Variants in SMPX observed in about 807,000 individuals in gnomAD.
SMPX encodes the protein small muscle protein X-linked, also known as small muscular protein.
A neutral mutation model predicts 6.3 loss-of-function variants in SMPX; 2 were observed. The ratio of observed to expected loss-of-function variants is 0.32; its 90% CI spans 0.13 to 0.99. The LOEUF (loss-of-function observed/expected upper bound fraction) is 0.99, where lower values mean the gene tolerates loss of function less well. SMPX is among the 50% of genes least tolerant of loss of function. The pLI is 0.49. For synonymous variants in SMPX, 32 were observed against 24.7 expected (o/e 1.30, Z -0.88); for missense variants, 60 against 66.8 (o/e 0.90, Z 0.36).
chrX:21,710,110 C>T (rs910726979), intron 4 of SMPX, among the ~76,000 whole-genome samples: 6 of 111,720 alleles, frequency 5.4e-5, no homozygotes, highest in Non-Finnish European at 1.1e-4. Flanking sequence ...ATGTCCTTCA[C>T]GACTGGGTTC....
At chrX:21,715,092 G>A (rs2092782786) in intron 4 of SMPX, among the ~76,000 whole-genome samples, 1 of 111,259 alleles carries the variant, frequency 9.0e-6, no homozygotes, top group Non-Finnish European at 1.9e-5. Flanking sequence ...TATTTTAAAA[G>A]CTACTTATAT....
At chrX:21,712,161 A>T (rs1412429993) in intron 4 of SMPX, among the ~76,000 whole-genome samples, 1 of 112,590 alleles carries the variant, frequency 8.9e-6, no homozygotes, top group Non-Finnish European at 1.9e-5. Context: ...AAAGTCAGAG[A>T]AACAAAACTC....
intron 4 of SMPX, among the ~76,000 whole-genome samples, chrX:21,719,882 C>A (rs1199052549): frequency 1.8e-5 from 2 of 112,306 alleles, no homozygotes; most frequent in Non-Finnish European, 3.8e-5. Context: ...CAAAGATAAA[C>A]AACTTTTGGT....
At chrX:21,728,246 CT>C in intron 4 of SMPX, among the ~76,000 whole-genome samples, 1 of 97,712 alleles carries the variant, frequency 1.0e-5, no homozygotes, top group African/African-American at 3.8e-5. Flanking sequence ...CTCTCTCTCT[CT>C]CTCTCTCTCT....
At chrX:21,741,547 CTCACAATGTTGTCT>C (rs2092816071) in intron 3 of SMPX, among the ~76,000 whole-genome samples, 1 of 111,642 alleles carries the variant, frequency 9.0e-6, no homozygotes, top group Non-Finnish European at 1.9e-5. Context: ...AATTACTCCC[CTCACAATGTTGTCT>C]TCATAAGAAA....
chrX:21,746,655 T>TG (rs1460833281), intron 2 of SMPX, among the ~76,000 whole-genome samples: 1 of 107,151 alleles, frequency 9.3e-6, no homozygotes, highest in Non-Finnish European at 1.9e-5. Context: ...AATGGGTTTT[T>TG]TTTTTTTTTT....
At chrX:21,736,736 C>T (rs2092810846) in intron 4 of SMPX, among the ~76,000 whole-genome samples, 2 of 111,104 alleles carry the variant, frequency 1.8e-5, no homozygotes, top group African/African-American at 6.6e-5. Flanking sequence ...TAAATTTCTG[C>T]TTAAGAAATG....
chrX:21,750,565 T>C (rs1172112061), intron 2 of SMPX, among the ~76,000 whole-genome samples: 1 of 112,428 alleles, frequency 8.9e-6, no homozygotes, highest in African/African-American at 3.2e-5. Flanking sequence ...GGCATAGAAC[T>C]TTATCAGCTG....
At chrX:21,707,152 G>A (rs891865670) in intron 4 of SMPX, among the ~76,000 whole-genome samples, 2 of 108,793 alleles carry the variant, frequency 1.8e-5, no homozygotes, top group African/African-American at 6.7e-5. Context: ...GCCTCTATGA[G>A]TTTAATGTTT....
At position 21,737,651 on chromosome X, in the gene SMPX, G is replaced by A. The variant is rs746359009; in HGVS notation, c.179C>T (p.Ala60Val). ...SDEEKKPIPGAKKLPGPAVNL... is the reference protein window; with the variant it reads ...SDEEKKPIPGVKKLPGPAVNL... ...GACTGCAGGTCCTGGAAGTTTCTTC[G>A]CTCCTGGAATTGGCTTCTTCTCCTC... The change falls in exon 4 of 5, where the codon GCG becomes GTG. Residue 60 changes from alanine (A) to valine (V), a missense_variant. Ala to Val is a moderately conservative substitution (Grantham distance 64). Coordinates refer to ENST00000379494, the MANE Select transcript of SMPX (RefSeq NM_014332.3). 1.5e-5 allele frequency: 18 copies of A among 1,206,985 alleles called. No individual in the cohort carries two copies. The highest frequency in any genetic ancestry group is 2.2e-5 in the Admixed American group (1 of 45,775).
chrX:21,730,831 T>C (rs765581692), intron 4 of SMPX, among the ~76,000 whole-genome samples: 61 of 112,394 alleles, frequency 5.4e-4, no homozygotes, highest in Non-Finnish European at 1.1e-3. Context: ...ATTTATTACA[T>C]TTATTATTCC....
intron 2 of SMPX, among the ~76,000 whole-genome samples, chrX:21,748,683 C>A (rs778944594): frequency 1.8e-5 from 2 of 112,083 alleles, no homozygotes; most frequent in African/African-American, 6.5e-5. Context: ...CATTGGAAAT[C>A]ATAAACAATG....
chrX:21,715,867 C>T (rs770065285), intron 4 of SMPX, among the ~76,000 whole-genome samples: 18 of 111,137 alleles, frequency 1.6e-4, no homozygotes, highest in Non-Finnish European at 2.8e-4. Flanking sequence ...ATGCCCAGAA[C>T]GGCCCCAGTA....
chrX:21,748,463 A>G (rs1378620133), intron 2 of SMPX, among the ~76,000 whole-genome samples: 1 of 112,017 alleles, frequency 8.9e-6, no homozygotes, highest in Non-Finnish European at 1.9e-5. Flanking sequence ...AATGTGCACA[A>G]TCAGTCGGGG....
intron 1 of SMPX, among the ~76,000 whole-genome samples, chrX:21,755,720 T>A (rs1415721837): frequency 1.8e-5 from 2 of 112,349 alleles, no homozygotes; most frequent in African/African-American, 3.2e-5. Flanking sequence ...CCATATTTTT[T>A]AAAAACCTCT....
chrX:21,708,088 T>A (rs761841662), intron 4 of SMPX, among the ~76,000 whole-genome samples: 19 of 112,894 alleles, frequency 1.7e-4, no homozygotes, highest in Non-Finnish European at 2.6e-4. Flanking sequence ...TAGTCTTTGG[T>A]GTCATTCCTT....
intron 3 of SMPX, among the ~76,000 whole-genome samples, chrX:21,738,925 A>C (rs1037517298): frequency 1.8e-5 from 2 of 111,414 alleles, no homozygotes; most frequent in Admixed American, 9.5e-5. Context: ...TGTTTTCCCC[A>C]GCAAGTATCT....
At chrX:21,728,477 G>T (rs766679792) in intron 4 of SMPX, among the ~76,000 whole-genome samples, 2 of 111,583 alleles carry the variant, frequency 1.8e-5, no homozygotes, top group Admixed American at 9.6e-5. Flanking sequence ...CTAGCTAAAA[G>T]AATGAATATG....
At chrX:21,754,161 T>C in intron 2 of SMPX, 85 bp downstream of exon 2, 1 of 828,484 alleles carries the variant, frequency 1.2e-6, no homozygotes, top group East Asian at 3.1e-5. Context: ...ATTTTCTTCT[T>C]GAAGTTCACC....
Sources: allele counts gnomAD v4.1 joint callset (sites outside exome capture counted in the v4.1 genomes callset), GRCh38; gene constraint gnomAD v4.1.1; transcripts MANE v1.5; gene names NCBI Gene and HGNC (gene_info 2026-07-23, HGNC 2026-07-21).